NEK8: variants seen among roughly 807,000 people sequenced by gnomAD.
NEK8 encodes serine/threonine-protein kinase Nek8.
In NEK8, 51 loss-of-function variants were observed where a neutral mutation model predicts 77.2. The observed-to-expected ratio is 0.66, with a 90% CI of 0.53 to 0.83. NEK8 has a LOEUF of 0.83. Among genes scored for constraint, NEK8 ranks in the 40% least tolerant of loss-of-function variants. NEK8 has a pLI of 0.00. For synonymous variants in NEK8, 365 were observed against 363.2 expected (o/e 1.00, Z -0.06); for missense variants, 787 against 909.2 (o/e 0.87, Z 1.73).
rs1348245184 is a variant in NEK8 at position 28,743,335 on chromosome 17, C to G, written c.*1348C>G. 6.6e-6 allele frequency: 1 copy of G among 152,336 alleles called. No homozygotes were observed. Among genetic ancestry groups the G allele is most frequent in the African/African-American group, 2.4e-5 (1 of 41,436 alleles). 9.4% of individuals were successfully genotyped at this position (152,336 alleles called of 1,614,324 possible). A position where few individuals can be genotyped will look rare whatever the true frequency, so the allele number is the denominator to read the frequency against. On this transcript the variant is annotated 3_prime_UTR_variant, in exon 15 of 15. Transcript: ENST00000268766. ...GTCACTAAGTGCTGCAGAAAAGATC[C>G]GCGCTGGAGATTGCCCGTCCCCCCC...
At chr17:28,735,840 TATGTATAC>T (rs1429006407) in intron 4 of NEK8, among the ~76,000 whole-genome samples, 1 of 152,118 alleles carries the variant, frequency 6.6e-6, no homozygotes, top group African/African-American at 2.4e-5. Flanking sequence ...GTTTGATACG[TATGTATAC>T]ATGTGCGATG....
intron 1 of NEK8, among the ~76,000 whole-genome samples, chr17:28,731,110 G>A (rs982589048): frequency 6.6e-6 from 1 of 152,018 alleles, no homozygotes; most frequent in Non-Finnish European, 1.5e-5. Context: ...AAATTTAGCT[G>A]GGTGTTGTGA....
chr17:28,739,674 C>T (rs2034400700), intron 10 of NEK8, among the ~76,000 whole-genome samples: 1 of 152,134 alleles, frequency 6.6e-6, no homozygotes, highest in Non-Finnish European at 1.5e-5. Flanking sequence ...GTCTCGAACT[C>T]CTGACCTCGT....
rs1378948774 is a variant in NEK8 at position 28,743,004 on chromosome 17, T to C, written c.*1017T>C. ...AAGAGAATCCCTTGAACCCGGGAGG[T>C]GAAGTTTGCAGTGAGCCGAGATCGC... On this transcript the variant is annotated 3_prime_UTR_variant, in exon 15 of 15. Coordinates refer to ENST00000268766, the MANE Select transcript of NEK8 (RefSeq NM_178170.3). 1 of 131,964 alleles carries C rather than the reference T, an allele frequency of 7.6e-6. No homozygotes were observed. The highest frequency in any genetic ancestry group is 1.5e-5 in the Non-Finnish European group (1 of 65,808). 8.2% of individuals were successfully genotyped at this position (131,964 alleles called of 1,614,324 possible). A position where few individuals can be genotyped will look rare whatever the true frequency, so the allele number is the denominator to read the frequency against.
chr17:28,738,753 T>A lies in NEK8; in HGVS notation c.1299+6T>A, dbSNP rs1466108119. The A allele has an allele frequency of 1.2e-6, 2 of 1,611,104 alleles. No individual in the cohort carries two copies. The highest frequency in any genetic ancestry group is 4.5e-5 in the East Asian group (2 of 44,858). On this transcript the variant is annotated splice_donor_region_variant and intron_variant, in intron 9 of 14. Transcript: ENST00000268766. ...GCCTCACTGACATCAGCCAGGTGGG[T>A]GTCACATATACCTTGGGAAGGGGAA...
In NEK8 at chr17:28,740,761, G is replaced by C; in HGVS notation, c.1569-61G>C. The C allele has an allele frequency of 6.2e-7, 1 of 1,603,940 alleles. No individual in the cohort carries two copies. Among genetic ancestry groups the C allele is most frequent in the South Asian group, 1.1e-5 (1 of 90,862 alleles). ...AACCCAGGGTGGGATCTGTCTCCTG[G>C]TGCACCAGCTCCTGCCCAAACTGTC... On this transcript the variant is annotated intron_variant, in intron 11 of 14. Transcript: ENST00000268766. This position sits in a 1 kb window ranked among gnomAD's most constrained non-coding sequence, Gnocchi z 4.7.
chr17:28,733,744 G>A (rs970257922), intron 1 of NEK8, among the ~76,000 whole-genome samples: 2 of 152,210 alleles, frequency 1.3e-5, no homozygotes, highest in South Asian at 4.1e-4. Context: ...CAGGCAGTCT[G>A]TGGGAACTTA....
Position 28,738,732 on chromosome 17 carries a change from C to T in NEK8, c.1284C>T (p.Leu428=). 6.2e-7 allele frequency: 1 copy of T among 1,613,720 alleles called. No individual in the cohort carries two copies. Among genetic ancestry groups the T allele is most frequent in the Non-Finnish European group, 8.5e-7 (1 of 1,179,598 alleles). ...GSNGCLGHGS[L]TDISQPTIVE... ...ATGGGTGCCTAGGCCATGGCAGCCT[C>T]ACTGACATCAGCCAGGTGGGTGTCA... is the stretch of plus-strand genomic sequence containing the variant. Residue 428 remains leucine, a synonymous_variant, in exon 9 of 15, where the codon CTC becomes CTT. Coordinates refer to ENST00000268766, the MANE Select transcript of NEK8 (RefSeq NM_178170.3).
intron 9 of NEK8, 39 bp downstream of exon 9, chr17:28,738,786 G>T (rs746456902): frequency 5.3e-6 from 8 of 1,515,638 alleles, no homozygotes; most frequent in Non-Finnish European, 7.3e-6. Flanking sequence ...GAAGTCGGGG[G>T]ATGGCGGGGA....
At chr17:28,729,685 G>A (rs2151730179) in intron 1 of NEK8, among the ~76,000 whole-genome samples, 1 of 152,240 alleles carries the variant, frequency 6.6e-6, no homozygotes, top group Admixed American at 6.5e-5. Flanking sequence ...TGGGACTACA[G>A]GCACGCGCCA....
chr17:28,743,452 T>G lies in NEK8; in HGVS notation c.*1465T>G, dbSNP rs2034450466. On this transcript the variant is annotated 3_prime_UTR_variant, in exon 15 of 15. Transcript: ENST00000268766. The stretch of plus-strand genomic sequence containing the variant: ...CAGGAAGGCCAATAAAAATATCAGC[T>G]GCCTGCCTGGAGTGTGGTGTCTTCA... 1 of 151,980 alleles carries G rather than the reference T, an allele frequency of 6.6e-6. No homozygotes were observed. The highest frequency in any genetic ancestry group is 1.5e-5 in the Non-Finnish European group (1 of 68,018). The allele number at this position is 151,980 out of a possible 1,614,324, so 9.4% of individuals were successfully genotyped here. A position where few individuals can be genotyped will look rare whatever the true frequency, so the allele number is the denominator to read the frequency against.
chr17:28,734,635 T>C (rs2034343835), intron 2 of NEK8, 137 bp from the exon 3 acceptor site: 1 of 672,358 alleles, frequency 1.5e-6, no homozygotes, highest in Non-Finnish European at 2.6e-6. Flanking sequence ...AGCAGTGAGC[T>C]GAGATCATGC....
chr17:28,740,389 T>C lies in NEK8; in HGVS notation c.1418-74T>C, dbSNP rs1401681732. Reference sequence around the variant, plus strand: ...AGAGAACTCATGCTGTTCCCTCCCCTCAGTGGGCCCTCCTCATTCGGGCAT... The same window carrying C: ...AGAGAACTCATGCTGTTCCCTCCCCCCAGTGGGCCCTCCTCATTCGGGCAT... On this transcript the variant is annotated intron_variant, in intron 10 of 14. Coordinates refer to ENST00000268766, the MANE Select transcript of NEK8 (RefSeq NM_178170.3). The surrounding 1 kb of genome is among the most constrained non-coding windows in gnomAD (Gnocchi z 4.7). 7.5e-7 allele frequency: 1 copy of C among 1,327,592 alleles called. No individual in the cohort carries two copies. The highest frequency in any genetic ancestry group is 1.1e-6 in the Non-Finnish European group (1 of 919,202). The allele number at this position is 1,327,592 out of a possible 1,614,324, so 82.2% of individuals were successfully genotyped here.
At position 28,735,390 on chromosome 17, in the gene NEK8, C is replaced by T. The variant is rs1486568475; in HGVS notation, c.618+19C>T. The T allele has an allele frequency of 2.5e-6, 4 of 1,611,306 alleles. No homozygotes were observed. Among genetic ancestry groups the T allele is most frequent in the Non-Finnish European group, 3.4e-6 (4 of 1,179,126 alleles). On this transcript the variant is annotated intron_variant, in intron 4 of 14. Transcript: ENST00000268766. ...GGCTGCGGTGAGTGTATGCACCCTC[C>T]AGGGGACAACTGAGAAATCTACTGC...
intron 10 of NEK8, among the ~76,000 whole-genome samples, chr17:28,739,751 C>T (rs2034401526): frequency 6.6e-6 from 1 of 152,006 alleles, no homozygotes; most frequent in Non-Finnish European, 1.5e-5. Context: ...CTGGCCCATC[C>T]ACTAATTTTT....
At chr17:28,735,143 G>T (rs991991309) in intron 3 of NEK8, 97 bp from the exon 4 acceptor site, 1 of 1,578,044 alleles carries the variant, frequency 6.3e-7, no homozygotes, top group Admixed American at 1.7e-5. Context: ...AAGCCCCTTG[G>T]CTTGCTTTGA....
At chr17:28,731,178 A>C (rs1440170713) in intron 1 of NEK8, among the ~76,000 whole-genome samples, 4 of 152,050 alleles carry the variant, frequency 2.6e-5, no homozygotes, top group Non-Finnish European at 5.9e-5. Flanking sequence ...CAGAGGTTGC[A>C]GTGAGCTGAG....
intron 1 of NEK8, among the ~76,000 whole-genome samples, chr17:28,731,469 G>A (rs1459826541): frequency 6.6e-6 from 1 of 151,980 alleles, no homozygotes; most frequent in Non-Finnish European, 1.5e-5. Context: ...AACCTGGGAG[G>A]CGGAGGATGT....
chr17:28,732,537 T>C (rs1597804465), intron 1 of NEK8, among the ~76,000 whole-genome samples: 2 of 150,456 alleles, frequency 1.3e-5, no homozygotes, highest in Admixed American at 6.6e-5. Flanking sequence ...GATTTTCTTT[T>C]TTCTTTTCTT....
Sources: allele counts gnomAD v4.1 joint callset (sites outside exome capture counted in the v4.1 genomes callset), GRCh38; gene constraint gnomAD v4.1.1; non-coding constraint Gnocchi (gnomAD v3.1); transcripts MANE v1.5; gene names NCBI Gene and HGNC (gene_info 2026-07-23, HGNC 2026-07-21).